Variants in CATSPERB observed in about 807,000 individuals in gnomAD.
The protein encoded by CATSPERB is cation channel sperm-associated auxiliary subunit beta.
CATSPERB carries 93 observed loss-of-function variants against 128.3 expected under a neutral mutation model. The observed-to-expected ratio is 0.72, with a 90% CI of 0.61 to 0.86. CATSPERB has a LOEUF of 0.86. Among genes scored for constraint, CATSPERB ranks in the 40% least tolerant of loss-of-function variants. CATSPERB has a pLI of 0.00. For missense variants in CATSPERB, 1,153 were observed against 1,329.5 expected, an observed-to-expected ratio of 0.87 and a Z score of 2.06; for synonymous variants, 381 against 448.8, an observed-to-expected ratio of 0.85 and a Z score of 1.91.
Position 91,580,937 on chromosome 14 carries a change from T to C in CATSPERB, c.3303A>G (p.Ser1101=). Reference sequence around the variant, plus strand: ...GAATCAGCTCACTGAGAGAGATACTTGAAAACTTCTCTTGGTTTCTTCTAA... The same window carrying C: ...GAATCAGCTCACTGAGAGAGATACTCGAAAACTTCTCTTGGTTTCTTCTAA... The part of the protein sequence containing the change: ...RWIRRNQEKF[S]SISLSELIHR... The change falls in exon 27 of 27, where the codon TCA becomes TCG. Residue 1101 remains serine (S), a synonymous_variant. Transcript: ENST00000256343. 4 of 1,614,248 alleles carry C rather than the reference T, an allele frequency of 2.5e-6. No individual in the cohort carries two copies. Among genetic ancestry groups the C allele is most frequent in the African/African-American group, 1.3e-5 (1 of 75,078 alleles).
chr14:91,652,669 T>C (rs1894724863), intron 15 of CATSPERB, among the ~76,000 whole-genome samples: 2 of 27,892 alleles, frequency 7.2e-5, no homozygotes, highest in African/African-American at 1.6e-4. Context: ...AGACTCTGTC[T>C]CAAAAAAAAA....
rs113162917 is a variant in CATSPERB at position 91,696,492 on chromosome 14, G to A, written c.617-3013C>T. On this transcript the variant is annotated intron_variant, in intron 7 of 26. Transcript: ENST00000256343. ...GCCTTGAGAAGAAATGTTTTAGTAC[G>A]GTGATGGAAACCAGAGTCTGATTTG... Among the ~76,000 whole-genome samples, 696 of 152,220 alleles carry A rather than the reference G, an allele frequency of 4.6e-3. 10 individuals are homozygous for A. Among genetic ancestry groups the A allele is most frequent in the African/African-American group, 0.016 (646 of 41,534 alleles).
At chr14:91,587,134 C>G (rs897656875) in intron 26 of CATSPERB, 68 bp downstream of exon 26, 5 of 1,298,182 alleles carry the variant, frequency 3.9e-6, no homozygotes, top group Non-Finnish European at 5.4e-6. Flanking sequence ...TTCGGTGTCT[C>G]TTGAATTGGT....
intron 22 of CATSPERB, among the ~76,000 whole-genome samples, chr14:91,597,510 T>C (rs1038761674): frequency 3.9e-5 from 6 of 152,230 alleles, no homozygotes; most frequent in African/African-American, 1.2e-4. Flanking sequence ...AGAAGTTCTT[T>C]AATGCTTCAA....
intron 22 of CATSPERB, among the ~76,000 whole-genome samples, chr14:91,595,402 C>T (rs1269664602): frequency 2.6e-5 from 4 of 151,986 alleles, no homozygotes; most frequent in African/African-American, 7.3e-5. Context: ...CTCCTGACCT[C>T]GTGGTCTGCC....
intron 22 of CATSPERB, among the ~76,000 whole-genome samples, chr14:91,593,854 T>A (rs1260175870): frequency 1.3e-5 from 2 of 152,160 alleles, no homozygotes; most frequent in African/African-American, 2.4e-5. Context: ...AATTGCATCT[T>A]CCAGAATTCC....
At chr14:91,670,932 G>A (rs1441787357) in intron 13 of CATSPERB, among the ~76,000 whole-genome samples, 1 of 152,036 alleles carries the variant, frequency 6.6e-6, no homozygotes, top group Non-Finnish European at 1.5e-5. Flanking sequence ...GAAACCGGGA[G>A]GCAGAGGTTG....
chr14:91,588,294 A>T (rs1183822077), intron 24 of CATSPERB, among the ~76,000 whole-genome samples: 3 of 151,954 alleles, frequency 2.0e-5, no homozygotes, highest in Non-Finnish European at 4.4e-5. Flanking sequence ...GTTCTGCTTG[A>T]CTTTGTAGAC....
chr14:91,652,209 G>A (rs549827140), intron 15 of CATSPERB, among the ~76,000 whole-genome samples: 3 of 151,966 alleles, frequency 2.0e-5, no homozygotes, highest in South Asian at 2.1e-4. Context: ...AATCATATCC[G>A]TAATACATTA....
chr14:91,606,273 T>A (rs2139772900), intron 22 of CATSPERB, among the ~76,000 whole-genome samples: 1 of 151,910 alleles, frequency 6.6e-6, no homozygotes, highest in South Asian at 2.1e-4. Context: ...ATCGTAGAAA[T>A]ATTTTTGGGG....
intron 4 of CATSPERB, among the ~76,000 whole-genome samples, chr14:91,721,663 C>T (rs1229392931): frequency 1.3e-5 from 2 of 151,958 alleles, no homozygotes; most frequent in African/African-American, 4.8e-5. Flanking sequence ...TCCTGGCTAA[C>T]AAGGTGAAAC....
chr14:91,725,370 G>A (rs1304659106), intron 2 of CATSPERB, among the ~76,000 whole-genome samples: 1 of 152,136 alleles, frequency 6.6e-6, no homozygotes, highest in Non-Finnish European at 1.5e-5. Flanking sequence ...AGAAACGGAA[G>A]GTTTGGCTGA....
chr14:91,598,581 G>A (rs1047213453), intron 22 of CATSPERB, among the ~76,000 whole-genome samples: 9 of 152,206 alleles, frequency 5.9e-5, no homozygotes, highest in South Asian at 2.1e-4. Flanking sequence ...TTGACTGGCC[G>A]GGCGTGGTGG....
chr14:91,586,290 A>T (rs1279099585), intron 26 of CATSPERB, among the ~76,000 whole-genome samples: 6 of 152,130 alleles, frequency 3.9e-5, no homozygotes, highest in Non-Finnish European at 8.8e-5. Context: ...TGAGAATTTT[A>T]GCCCTCTGTG....
chr14:91,666,441 G>A (rs958411104), intron 14 of CATSPERB, among the ~76,000 whole-genome samples: 1 of 152,146 alleles, frequency 6.6e-6, no homozygotes, highest in African/African-American at 2.4e-5. Flanking sequence ...CCTTAAAGCA[G>A]GCCCTAGTAC....
Position 91,693,254 on chromosome 14 carries a change from G to C in CATSPERB, c.713-10C>G, listed in dbSNP as rs1895501376. The C allele has an allele frequency of 2.5e-6, 4 of 1,595,362 alleles. No homozygotes were observed. The highest frequency in any genetic ancestry group is 1.3e-5 in the African/African-American group (1 of 74,362). The stretch of plus-strand genomic sequence containing the variant: ...GAAAGGTCTTCATATTCTAAACGAA[G>C]AAATCATACCATGGATTAAAAAGTA... On this transcript the variant is annotated splice_polypyrimidine_tract_variant and intron_variant, in intron 8 of 26. Coordinates refer to ENST00000256343, the MANE Select transcript of CATSPERB (RefSeq NM_024764.4).
At chr14:91,592,031 TG>T in intron 22 of CATSPERB, 29 bp from the exon 23 acceptor site, 1 of 1,421,114 alleles carries the variant, frequency 7.0e-7, no homozygotes, top group South Asian at 1.2e-5. Context: ...GATGTTGACT[TG>T]TTTTTCTGCG....
At chr14:91,718,378 T>C (rs1398643684) in intron 5 of CATSPERB, among the ~76,000 whole-genome samples, 1 of 152,172 alleles carries the variant, frequency 6.6e-6, no homozygotes, top group Non-Finnish European at 1.5e-5. Context: ...TTTTCCATCA[T>C]CTCTAACTTA....
intron 14 of CATSPERB, among the ~76,000 whole-genome samples, chr14:91,665,225 A>T (rs961005957): frequency 6.5e-5 from 7 of 107,532 alleles, no homozygotes; most frequent in African/African-American, 2.5e-4. Context: ...TACTGGCAAA[A>T]TTTTTGATCT....
Sources: allele counts gnomAD v4.1 joint callset (sites outside exome capture counted in the v4.1 genomes callset), GRCh38; gene constraint gnomAD v4.1.1; transcripts MANE v1.5; gene names NCBI Gene and HGNC (gene_info 2026-07-23, HGNC 2026-07-21).